Variants in PPP2R2C observed in about 807,000 individuals in gnomAD.
The protein encoded by PPP2R2C is protein phosphatase 2 regulatory subunit Bgamma, also known as protein phosphatase 2, regulatory subunit B, gamma.
Under a neutral mutation model 45.3 loss-of-function variants are expected in PPP2R2C, and 10 were observed. That is an observed-to-expected ratio of 0.22 (90% CI 0.14 to 0.37). The LOEUF is 0.37. Ranked by LOEUF, PPP2R2C falls within the 10% of genes least tolerant of loss-of-function variation. The pLI is 1.00. For synonymous variants in PPP2R2C, 257 were observed against 245.4 expected (o/e 1.05, Z -0.44); for missense variants, 308 against 619.7 (o/e 0.50, Z 5.34).
chr4:6,414,369 G>A (rs1365851002), intron 1 of PPP2R2C, among the ~76,000 whole-genome samples: 1 of 152,062 alleles, frequency 6.6e-6, no homozygotes, highest in East Asian at 1.9e-4. Context: ...GGCATTCTGT[G>A]GAAACTAACA....
chr4:6,472,406 GCC>G lies in PPP2R2C; in HGVS notation c.-179_-178del. The G allele has an allele frequency of 3.5e-6, 3 of 867,578 alleles. No individual in the cohort carries two copies. Among genetic ancestry groups the G allele is most frequent in the Non-Finnish European group, 4.1e-6 (3 of 724,184 alleles). 53.7% of individuals were successfully genotyped at this position (867,578 alleles called of 1,614,324 possible). On this transcript the variant is annotated 5_prime_UTR_variant, in exon 1 of 9. Coordinates refer to ENST00000382599, the MANE Select transcript of PPP2R2C (RefSeq NM_020416.4). ...CGGGCGGGGGCGGCCGGGGGCGGGC[GCC>G]GCGGTCAAGCGAGCGCGCGGTGGGC...
intron 1 of PPP2R2C, among the ~76,000 whole-genome samples, chr4:6,403,328 T>C (rs943539154): frequency 3.3e-5 from 5 of 152,172 alleles, no homozygotes; most frequent in African/African-American, 1.2e-4. Context: ...AGAAACTGGT[T>C]TGGCAACAAG....
intron 2 of PPP2R2C, among the ~76,000 whole-genome samples, chr4:6,514,116 T>A (rs186400430): frequency 2.0e-5 from 3 of 151,716 alleles, no homozygotes; most frequent in African/African-American, 7.3e-5. Flanking sequence ...GTCCTTTGAC[T>A]TTTTTTTTCA....
chr4:6,351,779 C>T (rs74441782), intron 5 of PPP2R2C, among the ~76,000 whole-genome samples: 3,721 of 152,224 alleles, frequency 0.024, 48 homozygotes, highest in African/African-American at 0.044. Flanking sequence ...GGCCCAGAGC[C>T]GTGCCCAGAA....
chr4:6,531,265 G>T (rs1724388017), intron 2 of PPP2R2C, among the ~76,000 whole-genome samples: 1 of 152,202 alleles, frequency 6.6e-6, no homozygotes, highest in Admixed American at 6.5e-5. Context: ...GGTGCAGATG[G>T]CAGTGAGGAG....
At chr4:6,495,710 GCGCTTTGAAA>G in intron 2 of PPP2R2C, among the ~76,000 whole-genome samples, 1 of 152,222 alleles carries the variant, frequency 6.6e-6, no homozygotes, top group Non-Finnish European at 1.5e-5. Context: ...AGATGCCAAG[GCGCTTTGAAA>G]CAGAACTGCT....
chr4:6,323,654 GC>G, intron 8 of PPP2R2C, 61 bp from the exon 9 acceptor site: 1 of 1,433,132 alleles, frequency 7.0e-7, no homozygotes, highest in East Asian at 2.5e-5. Flanking sequence ...CGAGAAATAA[GC>G]CCAGGTGTGG....
intron 2 of PPP2R2C, among the ~76,000 whole-genome samples, chr4:6,495,797 G>A (rs1222017174): frequency 6.6e-6 from 1 of 152,194 alleles, no homozygotes; most frequent in Non-Finnish European, 1.5e-5. Context: ...ACTTTTGCGT[G>A]GTGTATGAGT....
intron 1 of PPP2R2C, among the ~76,000 whole-genome samples, chr4:6,388,710 G>T (rs113745119): frequency 6.6e-6 from 1 of 152,260 alleles, no homozygotes; most frequent in African/African-American, 2.4e-5. Flanking sequence ...GAAATGCCAA[G>T]GATTGCCAGC....
rs374903766 is a variant in PPP2R2C, at chr4:6,502,612, T to C, written c.49+32659A>G. ...TCCCACACATGCCACACCCAACCTG[T>C]GCTAGGTCCTGGCATTTCTTCTAGG... On this transcript the variant is annotated intron_variant, in intron 2 of 9. Coordinates refer to the PPP2R2C transcript ENST00000506140. Among the ~76,000 whole-genome samples, 6 of 152,160 alleles carry C rather than the reference T, an allele frequency of 3.9e-5. No homozygotes were observed. The East Asian group carries it at 9.7e-4, about 25-fold the overall frequency.
chr4:6,528,478 C>T (rs1185265064), intron 2 of PPP2R2C, among the ~76,000 whole-genome samples: 1 of 152,160 alleles, frequency 6.6e-6, no homozygotes, highest in African/African-American at 2.4e-5. Flanking sequence ...TTCCTCCACT[C>T]GACCCAAACT....
chr4:6,379,669 T>G lies in PPP2R2C; in HGVS notation c.169-1097A>C, dbSNP rs185956622. Among the ~76,000 whole-genome samples the G allele has an allele frequency of 2.0e-5, 3 of 152,348 alleles. No homozygotes were observed. The East Asian group carries it at 5.8e-4, about 29-fold the overall frequency. On this transcript the variant is annotated intron_variant, in intron 2 of 8. Coordinates refer to ENST00000382599, the MANE Select transcript of PPP2R2C (RefSeq NM_020416.4). ...TGGTGGGACACCCCACAGGTGCATC[T>G]GGTGAAGCCCACAGGTGCTGGCCGA...
intron 2 of PPP2R2C, among the ~76,000 whole-genome samples, chr4:6,504,863 A>C (rs1160263875): frequency 6.6e-6 from 1 of 152,232 alleles, no homozygotes; most frequent in African/African-American, 2.4e-5. Context: ...AGGTGACAAA[A>C]GAACGAGGCA....
intron 1 of PPP2R2C, among the ~76,000 whole-genome samples, chr4:6,387,068 A>C (rs143259928): frequency 6.6e-6 from 1 of 152,296 alleles, no homozygotes; most frequent in Non-Finnish European, 1.5e-5. Context: ...AGAGAAAAAA[A>C]ATTTTTTTAA....
chr4:6,435,753 A>G (rs1443292532), intron 1 of PPP2R2C, among the ~76,000 whole-genome samples: 1 of 152,222 alleles, frequency 6.6e-6, no homozygotes, highest in African/African-American at 2.4e-5. Context: ...AGGCTGGCAC[A>G]TAACACAGCC....
chr4:6,412,209 C>A (rs1209861001), intron 1 of PPP2R2C, among the ~76,000 whole-genome samples: 1 of 152,200 alleles, frequency 6.6e-6, no homozygotes, highest in East Asian at 1.9e-4. Flanking sequence ...CTCTTAATGA[C>A]TTCAGAAGGT....
intron 2 of PPP2R2C, among the ~76,000 whole-genome samples, chr4:6,507,387 C>G (rs950176299): frequency 1.3e-5 from 2 of 152,224 alleles, no homozygotes; most frequent in Non-Finnish European, 2.9e-5. Flanking sequence ...CGCAGGAAAG[C>G]CTTGAGCAAT....
intron 1 of PPP2R2C, among the ~76,000 whole-genome samples, chr4:6,425,293 T>A (rs916401523): frequency 6.6e-6 from 1 of 152,136 alleles, no homozygotes; most frequent in African/African-American, 2.4e-5. Flanking sequence ...AGTGTGAGCA[T>A]CATTAAGAGC....
chr4:6,425,494 C>CCAGCACGAGCTCAGAAT (rs1371231154), intron 1 of PPP2R2C, among the ~76,000 whole-genome samples: 1 of 152,218 alleles, frequency 6.6e-6, no homozygotes, highest in Non-Finnish European at 1.5e-5. Context: ...GGTGTCCCCA[C>CCAGCACGAGCTCAGAAT]CAGCACGAGC....
Sources: allele counts gnomAD v4.1 joint callset (sites outside exome capture counted in the v4.1 genomes callset), GRCh38; gene constraint gnomAD v4.1.1; transcripts MANE v1.5; gene names NCBI Gene and HGNC (gene_info 2026-07-23, HGNC 2026-07-21).